OSBP2: variants seen among roughly 807,000 people sequenced by gnomAD.
OSBP2 encodes the protein oxysterol-binding protein 2.
A neutral mutation model predicts 96.0 loss-of-function variants in OSBP2; 66 were observed. The observed-to-expected ratio is 0.69, with a 90% CI of 0.56 to 0.84. OSBP2 has a LOEUF of 0.84. Ranked by LOEUF, OSBP2 falls within the 40% of genes least tolerant of loss-of-function variation. OSBP2 has a pLI of 0.00. For missense variants in OSBP2, 1,038 were observed against 1,222.7 expected (o/e 0.85, Z 2.25); for synonymous variants, 525 against 520.9 (o/e 1.01, Z -0.11).
chr22:30,809,544 T>A (rs1311197952), intron 2 of OSBP2, among the ~76,000 whole-genome samples: 2 of 152,076 alleles, frequency 1.3e-5, no homozygotes, highest in Non-Finnish European at 2.9e-5. Context: ...AGTGAAGGCA[T>A]GAGAGCAGGG....
intron 12 of OSBP2, among the ~76,000 whole-genome samples, chr22:30,897,274 T>C (rs997016006): frequency 6.6e-6 from 1 of 152,298 alleles, no homozygotes; most frequent in African/African-American, 2.4e-5. Flanking sequence ...AGTGGGAAAT[T>C]AGGAAGTTTC....
In OSBP2 at chr22:30,905,852, C is replaced by A. The variant is rs2040322537; in HGVS notation, c.2391C>A (p.Asn797Lys). ...ACCGCCACAGGGAGAACGCGGAGAA[C>A]ATGTACTACTTCTCAGAGCTGGCCC... ...KKYPLPENAE[N>K]MYYFSELALT... is the part of the protein sequence containing the mutation. Residue 797 changes from asparagine to lysine, a missense_variant, in exon 13 of 14, where the codon AAC (asparagine) becomes AAA (lysine). Around this residue, in one of 3 missense-constraint regions of OSBP2, gnomAD observed 737 missense variants for 913.3 expected, o/e 0.81. Transcript: ENST00000332585. The A allele has an allele frequency of 6.2e-7, 1 of 1,613,302 alleles. No homozygotes were observed. Among genetic ancestry groups the A allele is most frequent in the Non-Finnish European group, 8.5e-7 (1 of 1,179,622 alleles).
intron 1 of OSBP2, among the ~76,000 whole-genome samples, chr22:30,735,897 T>C (rs1458173336): frequency 6.6e-6 from 1 of 151,484 alleles, no homozygotes; most frequent in East Asian, 1.9e-4. Flanking sequence ...TAATTTTTGG[T>C]ATTTTTAAAA....
intron 1 of OSBP2, among the ~76,000 whole-genome samples, chr22:30,721,701 C>A (rs1403454383): frequency 6.6e-6 from 1 of 151,590 alleles, no homozygotes; most frequent in Non-Finnish European, 1.5e-5. Context: ...AAGCAAAATT[C>A]CTGAATAAAT....
chr22:30,888,371 C>T (rs2039863554), intron 5 of OSBP2, 31 bp downstream of exon 5: 1 of 1,310,688 alleles, frequency 7.6e-7, no homozygotes, highest in African/African-American at 1.4e-5. Flanking sequence ...CAGAGCCTCC[C>T]CCACCCTGGT....
In OSBP2 at chr22:30,887,782, A is replaced by G. The variant is rs5997801; in HGVS notation, c.1300+164A>G. On this transcript the variant is annotated intron_variant, in intron 4 of 13. Coordinates refer to ENST00000332585, the MANE Select transcript of OSBP2 (RefSeq NM_030758.4). ...TCGTGGTTTTGTATCTCCCATGTCC[A>G]TCACCCACTGGCAACAGTTTGTCTG... Among the ~76,000 whole-genome samples the G allele has an allele frequency of 1.7e-3, 265 of 152,300 alleles. 2 individuals carry two copies. The highest frequency in any genetic ancestry group is 6.0e-3 in the African/African-American group (249 of 41,568).
intron 2 of OSBP2, among the ~76,000 whole-genome samples, chr22:30,807,786 G>T (rs1323560430): frequency 3.3e-5 from 5 of 151,748 alleles, no homozygotes; most frequent in African/African-American, 9.7e-5. Context: ...GGACCAGCTG[G>T]GTCTTTTTTT....
At chr22:30,795,605 C>T (rs192309857) in intron 2 of OSBP2, among the ~76,000 whole-genome samples, 224 of 151,486 alleles carry the variant, frequency 1.5e-3, no homozygotes, top group African/African-American at 4.8e-3. Flanking sequence ...CCACAACCTC[C>T]GCCTCCCAGG....
intron 2 of OSBP2, among the ~76,000 whole-genome samples, chr22:30,780,750 G>A (rs1006982586): frequency 6.6e-6 from 1 of 152,138 alleles, no homozygotes; most frequent in African/African-American, 2.4e-5. Flanking sequence ...CGCTCGTCTT[G>A]GCCTCCCAAA....
chr22:30,829,484 G>A (rs2038477845), intron 2 of OSBP2, among the ~76,000 whole-genome samples: 1 of 152,016 alleles, frequency 6.6e-6, no homozygotes, highest in South Asian at 2.1e-4. Flanking sequence ...GTAGAGATGG[G>A]GTTTCCCCAT....
intron 12 of OSBP2, among the ~76,000 whole-genome samples, chr22:30,897,968 A>AAG (rs1332153434): frequency 9.2e-5 from 14 of 152,044 alleles, no homozygotes; most frequent in African/African-American, 2.9e-4. Context: ...AAAAAAAAAA[A>AAG]AGATATTTAA....
chr22:30,758,980 A>C (rs1426298099), intron 2 of OSBP2, among the ~76,000 whole-genome samples: 4 of 152,170 alleles, frequency 2.6e-5, no homozygotes, highest in African/African-American at 9.7e-5. Flanking sequence ...CAGCATACTA[A>C]AGATTTTGAG....
At chr22:30,819,558 C>T (rs1378928993) in intron 2 of OSBP2, among the ~76,000 whole-genome samples, 1 of 152,196 alleles carries the variant, frequency 6.6e-6, no homozygotes, top group Admixed American at 6.5e-5. Context: ...GACGAGTTGG[C>T]ACCCTTCTGG....
chr22:30,710,240 A>G (rs2089325736), intron 1 of OSBP2, among the ~76,000 whole-genome samples: 1 of 152,124 alleles, frequency 6.6e-6, no homozygotes, highest in Non-Finnish European at 1.5e-5. Context: ...CTCGATGGTT[A>G]CTCAGAGGTG....
At chr22:30,801,803 A>G (rs919498390) in intron 2 of OSBP2, among the ~76,000 whole-genome samples, 1 of 152,062 alleles carries the variant, frequency 6.6e-6, no homozygotes, top group Non-Finnish European at 1.5e-5. Flanking sequence ...GCAAGACCCC[A>G]TTTCAACAAC....
intron 2 of OSBP2, among the ~76,000 whole-genome samples, chr22:30,747,629 G>A (rs1007937919): frequency 6.6e-6 from 1 of 152,132 alleles, no homozygotes; most frequent in Admixed American, 6.6e-5. Context: ...GGTGCGGTAA[G>A]GCCCCGTGTG....
At chr22:30,785,096 T>A (rs752568471) in intron 2 of OSBP2, among the ~76,000 whole-genome samples, 2 of 152,206 alleles carry the variant, frequency 1.3e-5, no homozygotes, top group Non-Finnish European at 2.9e-5. Context: ...CTTTAATTTT[T>A]AAAATGTACT....
chr22:30,781,374 T>C (rs1464965524), intron 2 of OSBP2, among the ~76,000 whole-genome samples: 3 of 152,080 alleles, frequency 2.0e-5, no homozygotes, highest in Non-Finnish European at 2.9e-5. Context: ...TCCCCCCACC[T>C]TCCTCTCTTT....
At chr22:30,879,782 T>C (rs1446132612) in intron 3 of OSBP2, among the ~76,000 whole-genome samples, 1 of 152,210 alleles carries the variant, frequency 6.6e-6, no homozygotes, top group African/African-American at 2.4e-5. Context: ...CCAGGCATGG[T>C]GGCTCATGCC....
Sources: gnomAD v4.1 joint callset for allele counts (sites outside exome capture counted in the v4.1 genomes callset) on GRCh38, gnomAD v4.1.1 for gene constraint, gnomAD v4.1.1 regional missense constraint, MANE v1.5 for transcripts, NCBI Gene and HGNC (gene_info 2026-07-23, HGNC 2026-07-21) for gene names.